The following CDKAL1 variants were observed in gnomAD, a reference collection of about 807,000 sequenced individuals.
CDKAL1 encodes CDKAL1 threonylcarbamoyladenosine tRNA methylthiotransferase, also known as threonylcarbamoyladenosine tRNA methylthiotransferase.
A neutral mutation model predicts 68.2 loss-of-function variants in CDKAL1; 32 were observed. The observed-to-expected ratio is 0.47, with a 90% CI of 0.35 to 0.63. The LOEUF is 0.63. Among genes scored for constraint, CDKAL1 ranks in the 30% least tolerant of loss-of-function variants. The pLI, the probability that CDKAL1 is intolerant of heterozygous loss-of-function variation, is 0.00. For missense variants in CDKAL1, 606 were observed against 696.7 expected (o/e 0.87, Z 1.47); for synonymous variants, 234 against 244.3 (o/e 0.96, Z 0.39).
At chr6:21,049,963 G>C (rs752517563) in intron 11 of CDKAL1, among the ~76,000 whole-genome samples, 22 of 152,090 alleles carry the variant, frequency 1.4e-4, no homozygotes, top group Non-Finnish European at 3.1e-4. Flanking sequence ...GAAATTTGCA[G>C]AGCTTGAGCA....
intron 9 of CDKAL1, among the ~76,000 whole-genome samples, chr6:20,885,397 A>G: frequency 6.6e-6 from 1 of 152,212 alleles, no homozygotes; most frequent in East Asian, 1.9e-4. Context: ...TTGACCAGGG[A>G]ACCACATTTA....
At chr6:20,563,283 T>A (rs1276801448) in intron 4 of CDKAL1, among the ~76,000 whole-genome samples, 1 of 152,166 alleles carries the variant, frequency 6.6e-6, no homozygotes, top group Non-Finnish European at 1.5e-5. Context: ...GTGAGAGTGT[T>A]CTGGAATAAA....
At chr6:20,992,860 C>G (rs1437447953) in intron 10 of CDKAL1, among the ~76,000 whole-genome samples, 1 of 149,570 alleles carries the variant, frequency 6.7e-6, no homozygotes, top group African/African-American at 2.5e-5. Flanking sequence ...CGTGATTGCA[C>G]TTTTGCACTC....
intron 5 of CDKAL1, among the ~76,000 whole-genome samples, chr6:20,672,136 T>TTCCCTC (rs1041691348): frequency 1.3e-5 from 2 of 151,932 alleles, no homozygotes; most frequent in Non-Finnish European, 2.9e-5. Flanking sequence ...CTCCCTTCCC[T>TTCCCTC]TCCCTCTCCC....
chr6:20,898,362 T>C (rs572293460), intron 9 of CDKAL1, among the ~76,000 whole-genome samples: 7 of 150,050 alleles, frequency 4.7e-5, no homozygotes, highest in Non-Finnish European at 1.0e-4. Context: ...GGAATTCTCG[T>C]TCTTGATTGT....
intron 13 of CDKAL1, among the ~76,000 whole-genome samples, chr6:21,122,443 C>T (rs1202385919): frequency 6.6e-6 from 1 of 152,062 alleles, no homozygotes; most frequent in Non-Finnish European, 1.5e-5. Context: ...TTCACAGAGT[C>T]TATATCCTTT....
intron 10 of CDKAL1, among the ~76,000 whole-genome samples, chr6:20,964,059 A>C (rs1474521441): frequency 6.6e-6 from 1 of 152,212 alleles, no homozygotes; most frequent in Admixed American, 6.5e-5. Flanking sequence ...TGAAAAAAAA[A>C]ACTCAACATC....
intron 7 of CDKAL1, among the ~76,000 whole-genome samples, chr6:20,779,011 T>C (rs914953580): frequency 6.6e-6 from 1 of 152,138 alleles, no homozygotes; most frequent in Non-Finnish European, 1.5e-5. Context: ...GAATAAGAAA[T>C]ACATTTGGCT....
At chr6:20,627,348 C>T (rs1311524079) in intron 4 of CDKAL1, among the ~76,000 whole-genome samples, 1 of 151,896 alleles carries the variant, frequency 6.6e-6, no homozygotes, top group Non-Finnish European at 1.5e-5. Context: ...GTCATTGGTC[C>T]ACAAATATAC....
chr6:20,630,810 G>A (rs1767643491), intron 4 of CDKAL1, among the ~76,000 whole-genome samples: 1 of 152,160 alleles, frequency 6.6e-6, no homozygotes, highest in Non-Finnish European at 1.5e-5. Flanking sequence ...CTCTTTGCAA[G>A]TCACAACATC....
intron 8 of CDKAL1, among the ~76,000 whole-genome samples, chr6:20,833,088 G>A (rs1192240713): frequency 6.6e-6 from 1 of 152,176 alleles, no homozygotes; most frequent in Non-Finnish European, 1.5e-5. Context: ...GCTACATTCT[G>A]ATTGGCTTAG....
At chr6:20,941,073 G>A (rs190560522) in intron 9 of CDKAL1, among the ~76,000 whole-genome samples, 144 of 150,716 alleles carry the variant, frequency 9.6e-4, no homozygotes, top group East Asian at 5.5e-3. Flanking sequence ...GGCGACAGAC[G>A]GAGCAAGACT....
intron 13 of CDKAL1, among the ~76,000 whole-genome samples, chr6:21,120,451 A>C (rs1774651385): frequency 6.6e-6 from 1 of 152,222 alleles, no homozygotes; most frequent in South Asian, 2.1e-4. Flanking sequence ...AGAATGTCCT[A>C]AGTAAGTTTA....
At chr6:20,804,482 C>A (rs1399753636) in intron 8 of CDKAL1, among the ~76,000 whole-genome samples, 1 of 152,110 alleles carries the variant, frequency 6.6e-6, no homozygotes, top group Non-Finnish European at 1.5e-5. Flanking sequence ...ATTTTTTAAA[C>A]AGCTGGGGAA....
At chr6:21,072,025 G>C (rs1190899664) in intron 12 of CDKAL1, among the ~76,000 whole-genome samples, 3 of 152,162 alleles carry the variant, frequency 2.0e-5, no homozygotes, top group Non-Finnish European at 4.4e-5. Context: ...CACACAGCCA[G>C]CTTTTGTGAA....
At chr6:20,693,129 CA>C (rs70990059) in intron 5 of CDKAL1, among the ~76,000 whole-genome samples, 2,525 of 67,454 alleles carry the variant, frequency 0.037, 25 homozygotes, top group African/African-American at 0.11. Context: ...GACTCTGTCT[CA>C]AAAAAAAAAA....
intron 13 of CDKAL1, among the ~76,000 whole-genome samples, chr6:21,154,179 T>TA (rs35396145): frequency 0.079 from 12,036 of 152,242 alleles, 655 homozygotes; most frequent in East Asian, 0.27. Flanking sequence ...GTTTTGCGTG[T>TA]AAGTACTGGT....
intron 11 of CDKAL1, among the ~76,000 whole-genome samples, chr6:21,057,353 C>T (rs183788382): frequency 2.0e-5 from 3 of 151,586 alleles, no homozygotes; most frequent in African/African-American, 7.3e-5. Context: ...TATTTTTTTG[C>T]AGTCAGTGGT....
intron 5 of CDKAL1, among the ~76,000 whole-genome samples, chr6:20,674,370 T>C (rs1268063881): frequency 6.6e-6 from 1 of 152,224 alleles, no homozygotes; most frequent in Non-Finnish European, 1.5e-5. Flanking sequence ...AGTAAGATAC[T>C]GGCTTTTGCA....
Sources: gnomAD v4.1 joint callset for allele counts (sites outside exome capture counted in the v4.1 genomes callset) on GRCh38, gnomAD v4.1.1 for gene constraint, MANE v1.5 for transcripts, NCBI Gene and HGNC (gene_info 2026-07-23, HGNC 2026-07-21) for gene names.